The following L3MBTL4 variants were observed in gnomAD, a reference collection of about 807,000 sequenced individuals.
L3MBTL4 encodes lethal(3)malignant brain tumor-like protein 4.
A neutral mutation model predicts 84.5 loss-of-function variants in L3MBTL4; 70 were observed. That is an observed-to-expected ratio of 0.83 (90% CI 0.68 to 1.01). The LOEUF is 1.01. Among genes scored for constraint, L3MBTL4 ranks in the 50% least tolerant of loss-of-function variants. The probability of loss-of-function intolerance (pLI) is 0.00; values close to 1 mark genes in which losing one functional copy is unlikely to be tolerated. For missense variants in L3MBTL4, 715 were observed against 754.8 expected (o/e 0.95, Z 0.62); for synonymous variants, 274 against 259.8 (o/e 1.05, Z -0.52).
intron 13 of L3MBTL4, among the ~76,000 whole-genome samples, chr18:6,153,205 T>C (rs1238543584): frequency 6.6e-6 from 1 of 152,234 alleles, no homozygotes; most frequent in African/African-American, 2.4e-5. Context: ...CTGCTCAAGC[T>C]ACTTGGGGTC....
At chr18:6,361,386 G>A (rs566426191) in intron 1 of L3MBTL4, among the ~76,000 whole-genome samples, 6 of 152,146 alleles carry the variant, frequency 3.9e-5, no homozygotes, top group South Asian at 2.1e-4. Context: ...TGCCCCAACC[G>A]TGCAAATTTT....
At chr18:6,272,170 C>A (rs150960780) in intron 4 of L3MBTL4, among the ~76,000 whole-genome samples, 1 of 152,240 alleles carries the variant, frequency 6.6e-6, no homozygotes, top group African/African-American at 2.4e-5. Context: ...GAGGGATAAT[C>A]GACGGGAGAG....
chr18:6,278,451 T>C (rs931564359), intron 4 of L3MBTL4, among the ~76,000 whole-genome samples: 2 of 152,204 alleles, frequency 1.3e-5, no homozygotes, highest in Non-Finnish European at 2.9e-5. Context: ...TCCTTAGTAA[T>C]ATACCAGGAT....
chr18:6,264,758 T>C (rs2048556257), intron 4 of L3MBTL4, among the ~76,000 whole-genome samples: 1 of 152,186 alleles, frequency 6.6e-6, no homozygotes. Flanking sequence ...CACTCCAGCC[T>C]GGGCCACAAG....
At chr18:6,069,445 C>T (rs1235143814) in intron 16 of L3MBTL4, among the ~76,000 whole-genome samples, 12 of 148,906 alleles carry the variant, frequency 8.1e-5, no homozygotes, top group African/African-American at 2.2e-4. Flanking sequence ...TTTTTTTTTT[C>T]CTCAGGTGAC....
intron 14 of L3MBTL4, among the ~76,000 whole-genome samples, chr18:6,112,207 T>C (rs1364480942): frequency 1.3e-5 from 2 of 152,224 alleles, no homozygotes; most frequent in Non-Finnish European, 2.9e-5. Flanking sequence ...ACTGAACTAA[T>C]GACCTCAAGT....
At chr18:6,185,565 C>G (rs2044686728) in intron 12 of L3MBTL4, among the ~76,000 whole-genome samples, 1 of 152,096 alleles carries the variant, frequency 6.6e-6, no homozygotes, top group Admixed American at 6.5e-5. Context: ...CCTGGGTTCT[C>G]CCAGTCCCAC....
intron 4 of L3MBTL4, among the ~76,000 whole-genome samples, chr18:6,299,748 C>T (rs1323163072): frequency 6.6e-6 from 1 of 152,198 alleles, no homozygotes; most frequent in East Asian, 1.9e-4. Flanking sequence ...TGGCTCACTA[C>T]AGCCTCGACC....
chr18:5,992,270 C>A (rs909995766), intron 16 of L3MBTL4, among the ~76,000 whole-genome samples: 1 of 152,066 alleles, frequency 6.6e-6, no homozygotes. Context: ...GTTAGGCAGA[C>A]GGGGCTTGAG....
intron 1 of L3MBTL4, among the ~76,000 whole-genome samples, chr18:6,370,989 C>T (rs1161839888): frequency 2.6e-5 from 4 of 152,136 alleles, no homozygotes; most frequent in African/African-American, 7.2e-5. Context: ...AAGTCTTAGT[C>T]GCGCCAAGGA....
chr18:6,324,834 G>A (rs67432237), intron 1 of L3MBTL4, among the ~76,000 whole-genome samples: 30,568 of 151,898 alleles, frequency 0.2, 3,953 homozygotes, highest in African/African-American at 0.37. Flanking sequence ...TATAGCAATA[G>A]CAGACAGAAC....
At chr18:6,242,320 C>T (rs1220374915) in intron 7 of L3MBTL4, among the ~76,000 whole-genome samples, 1 of 152,192 alleles carries the variant, frequency 6.6e-6, no homozygotes, top group Admixed American at 6.5e-5. Flanking sequence ...ACCCACGTCT[C>T]TTTGGAACAT....
intron 10 of L3MBTL4, 128 bp downstream of exon 10, chr18:6,237,836 A>T: frequency 1.4e-6 from 1 of 727,014 alleles, no homozygotes; most frequent in Non-Finnish European, 2.4e-6. Context: ...GGTCAACAGA[A>T]TCTCACATAG....
chr18:6,294,496 A>T (rs547279364), intron 4 of L3MBTL4, among the ~76,000 whole-genome samples: 2 of 152,344 alleles, frequency 1.3e-5, no homozygotes, highest in Non-Finnish European at 2.9e-5. Context: ...AGAATCCTTT[A>T]TTCAAACTCA....
intron 14 of L3MBTL4, among the ~76,000 whole-genome samples, chr18:6,095,067 G>A (rs989868006): frequency 1.9e-4 from 29 of 152,188 alleles, no homozygotes; most frequent in Non-Finnish European, 2.9e-4. Context: ...TAAGACATAC[G>A]TACCAAAAAG....
chr18:6,375,175 G>C (rs529967115), intron 1 of L3MBTL4, among the ~76,000 whole-genome samples: 1 of 151,766 alleles, frequency 6.6e-6, no homozygotes, highest in Non-Finnish European at 1.5e-5. Context: ...TGCCCCAGTC[G>C]ATACAGGAAC....
In L3MBTL4 at chr18:6,239,624, G is replaced by A. The variant is rs1041855889; in HGVS notation, c.707+94C>T. ...AAATTCCTAATGCTCATCACTATTA[G>A]AAGAGCAAAAACAGCAACAGTGCTA... On this transcript the variant is annotated intron_variant, in intron 9 of 18. Transcript: ENST00000317931. The A allele has an allele frequency of 2.0e-5, 25 of 1,267,872 alleles. 1 individual carries two copies. Among genetic ancestry groups the A allele is most frequent in the Non-Finnish European group, 2.7e-5 (24 of 892,510 alleles). 78.5% of individuals were successfully genotyped at this position (1,267,872 alleles called of 1,614,324 possible). A position where few individuals can be genotyped will look rare whatever the true frequency, so the allele number is the denominator to read the frequency against.
chr18:6,162,739 C>T (rs2043404135), intron 13 of L3MBTL4, among the ~76,000 whole-genome samples: 1 of 152,174 alleles, frequency 6.6e-6, no homozygotes, highest in African/African-American at 2.4e-5. Flanking sequence ...CTGAAGCCTC[C>T]ATGCCACACA....
At chr18:6,060,989 AAT>A (rs1403678216) in intron 16 of L3MBTL4, among the ~76,000 whole-genome samples, 1 of 152,114 alleles carries the variant, frequency 6.6e-6, no homozygotes, top group African/African-American at 2.4e-5. Flanking sequence ...TTTTTGTACA[AAT>A]ATAAGTTTTA....
Sources: gnomAD v4.1 joint callset for allele counts (sites outside exome capture counted in the v4.1 genomes callset) on GRCh38, gnomAD v4.1.1 for gene constraint, MANE v1.5 for transcripts, NCBI Gene and HGNC (gene_info 2026-07-23, HGNC 2026-07-21) for gene names.